Variants in FBXO21 observed in about 807,000 individuals in gnomAD.
FBXO21 encodes F-box only protein 21.
In FBXO21, 32 loss-of-function variants were observed where a neutral mutation model predicts 76.6. That is an observed-to-expected ratio of 0.42 (90% CI 0.32 to 0.56). The LOEUF is 0.56. Ranked by LOEUF, FBXO21 falls within the 20% of genes least tolerant of loss-of-function variation. The pLI is 0.16. For synonymous variants in FBXO21, 328 were observed against 311.5 expected (o/e 1.05, Z -0.56); for missense variants, 586 against 797.3 (o/e 0.73, Z 3.19).
rs143504305 is a variant in FBXO21, at chr12:117,165,710, C to T, written c.1194-93G>A. The stretch of plus-strand genomic sequence containing the variant: ...GCCCAGGTTTTAAATATAATTGACA[C>T]AAATCCCAAACGTTTTCTGATTCTG... On this transcript the variant is annotated intron_variant, in intron 8 of 11. Transcript: ENST00000622495. The T allele has an allele frequency of 1.3e-4, 171 of 1,273,386 alleles. No homozygotes were observed. In the East Asian group the frequency reaches 3.7e-3, roughly 28 times the overall value. The allele number at this position is 1,273,386 out of a possible 1,614,324, so 78.9% of individuals were successfully genotyped here.
intron 3 of FBXO21, among the ~76,000 whole-genome samples, chr12:117,183,488 G>T (rs1397170852): frequency 6.6e-6 from 1 of 152,146 alleles, no homozygotes; most frequent in Non-Finnish European, 1.5e-5. Flanking sequence ...TCGAACTCCT[G>T]ACCTCAGATG....
Position 117,190,268 on chromosome 12 carries a change from G to A in FBXO21, c.189C>T (p.Arg63=). 1 of 1,545,102 alleles carries A rather than the reference G, an allele frequency of 6.5e-7. No homozygotes were observed. Among genetic ancestry groups the A allele is most frequent in the Non-Finnish European group, 8.6e-7 (1 of 1,156,120 alleles). ...GRVSSTCRRL[R]ELCQSSGKVW... The stretch of plus-strand genomic sequence containing the variant: ...CCTTCCCGCTGCTCTGGCACAGCTC[G>A]CGCAGCCGCCGGCAGGTGCTGGAGA... Residue 63 remains arginine (R), a synonymous_variant, in exon 1 of 12, where the codon CGC becomes CGT. Transcript: ENST00000622495.
At chr12:117,151,215 G>A (rs907258503) in intron 11 of FBXO21, among the ~76,000 whole-genome samples, 5 of 152,014 alleles carry the variant, frequency 3.3e-5, no homozygotes, top group Admixed American at 1.3e-4. Flanking sequence ...CGGAGCTTCC[G>A]AGAAGTCCAG....
At chr12:117,186,097 G>C (rs773782864) in intron 3 of FBXO21, among the ~76,000 whole-genome samples, 40 of 152,184 alleles carry the variant, frequency 2.6e-4, no homozygotes, top group Non-Finnish European at 4.9e-4. Flanking sequence ...GGCTGGTCGC[G>C]AACTCCTGAC....
At chr12:117,185,317 A>G (rs1165506789) in intron 3 of FBXO21, among the ~76,000 whole-genome samples, 1 of 152,196 alleles carries the variant, frequency 6.6e-6, no homozygotes, top group East Asian at 1.9e-4. Flanking sequence ...CTCTACCCAC[A>G]GTTGTTCCAC....
At position 117,151,187 on chromosome 12, in the gene FBXO21, C is replaced by T. The variant is rs185683736; in HGVS notation, c.1675+4604G>A. Among the ~76,000 whole-genome samples the T allele has an allele frequency of 3.3e-3, 506 of 152,200 alleles. 5 individuals are homozygous for T. Among genetic ancestry groups the T allele is most frequent in the African/African-American group, 0.011 (476 of 41,538 alleles). The stretch of plus-strand genomic sequence containing the variant: ...TAGTTGAATTCCTGGCCTTTCAATA[C>T]GGCGGCTGACCTAGACTCGGAGCTT... On this transcript the variant is annotated intron_variant, in intron 11 of 11. Transcript: ENST00000622495.
intron 3 of FBXO21, among the ~76,000 whole-genome samples, chr12:117,185,336 ATT>A (rs1269381869): frequency 1.3e-5 from 2 of 152,292 alleles, no homozygotes; most frequent in African/African-American, 4.8e-5. Context: ...ACTGATAGAT[ATT>A]TCTCTCTCCT....
At chr12:117,182,564 C>CT (rs891529583) in intron 3 of FBXO21, among the ~76,000 whole-genome samples, 4,392 of 83,160 alleles carry the variant, frequency 0.053, 260 homozygotes, top group African/African-American at 0.12. Flanking sequence ...GCAAGAGGAT[C>CT]TTTTTTTTTT....
At chr12:117,166,093 G>A (rs1415453317) in intron 8 of FBXO21, among the ~76,000 whole-genome samples, 1 of 151,920 alleles carries the variant, frequency 6.6e-6, no homozygotes, top group African/African-American at 2.4e-5. Context: ...AGGAAGCTGA[G>A]GCAGGAGAAT....
chr12:117,185,736 T>C (rs571810548), intron 3 of FBXO21, among the ~76,000 whole-genome samples: 7 of 152,328 alleles, frequency 4.6e-5, no homozygotes, highest in South Asian at 2.1e-4. Flanking sequence ...AATTCAGAAA[T>C]TGTAAAAAAT....
chr12:117,183,095 AAAAC>A (rs1237375802), intron 3 of FBXO21, among the ~76,000 whole-genome samples: 3 of 152,194 alleles, frequency 2.0e-5, no homozygotes, highest in Non-Finnish European at 4.4e-5. Flanking sequence ...CTCTGTTTCT[AAAAC>A]AAACAATCCT....
intron 11 of FBXO21, among the ~76,000 whole-genome samples, chr12:117,152,831 T>C (rs1375596384): frequency 6.6e-6 from 1 of 152,224 alleles, no homozygotes; most frequent in African/African-American, 2.4e-5. Flanking sequence ...GTAAAATCTC[T>C]ATAGATAAAG....
At chr12:117,173,251 G>C (rs917045368) in intron 6 of FBXO21, among the ~76,000 whole-genome samples, 1 of 152,050 alleles carries the variant, frequency 6.6e-6, no homozygotes, top group Non-Finnish European at 1.5e-5. Flanking sequence ...GGCTGGTCTC[G>C]AACTCCTGAC....
chr12:117,147,235 T>A (rs1955781855), intron 11 of FBXO21, among the ~76,000 whole-genome samples: 3 of 103,560 alleles, frequency 2.9e-5, no homozygotes, highest in African/African-American at 3.9e-5. Flanking sequence ...AGAGCAAAAG[T>A]CCATCTCAAA....
chr12:117,186,704 C>A, intron 2 of FBXO21, 133 bp from the exon 3 acceptor site: 1 of 585,146 alleles, frequency 1.7e-6, no homozygotes, highest in East Asian at 2.9e-5. Context: ...CTACCTTGCA[C>A]TACCAGTCAT....
chr12:117,160,013 C>A (rs1016874351), intron 9 of FBXO21, among the ~76,000 whole-genome samples: 1 of 152,166 alleles, frequency 6.6e-6, no homozygotes, highest in East Asian at 1.9e-4. Context: ...GGCTAGAATG[C>A]CGCAAGATCA....
At chr12:117,159,452 C>G (rs1592875427) in intron 9 of FBXO21, among the ~76,000 whole-genome samples, 2 of 152,094 alleles carry the variant, frequency 1.3e-5, no homozygotes, top group East Asian at 3.8e-4. Context: ...TTGGTCTCAA[C>G]CAGTGTCATA....
chr12:117,166,227 A>C (rs1014073270), intron 8 of FBXO21, among the ~76,000 whole-genome samples: 3 of 151,316 alleles, frequency 2.0e-5, no homozygotes, highest in Non-Finnish European at 2.9e-5. Context: ...GAGTAGGCGG[A>C]GCACAGAGGA....
intron 5 of FBXO21, 51 bp from the exon 6 acceptor site, chr12:117,174,392 A>G (rs772395460): frequency 6.3e-7 from 1 of 1,596,748 alleles, no homozygotes; most frequent in East Asian, 2.2e-5. Flanking sequence ...AGGTTGTGAC[A>G]GGTGCCCCAA....
Sources: allele counts gnomAD v4.1 joint callset (sites outside exome capture counted in the v4.1 genomes callset), GRCh38; gene constraint gnomAD v4.1.1; transcripts MANE v1.5; gene names NCBI Gene and HGNC (gene_info 2026-07-23, HGNC 2026-07-21).